The following PLPP4 variants were observed in gnomAD, a reference collection of about 807,000 sequenced individuals.
PLPP4 encodes phospholipid phosphatase 4, also known as diacylglycerol pyrophosphate like 2.
Under a neutral mutation model 32.2 loss-of-function variants are expected in PLPP4, and 20 were observed. The ratio of observed to expected loss-of-function variants is 0.62; its 90% CI spans 0.44 to 0.90. The LOEUF (loss-of-function observed/expected upper bound fraction) is 0.90. Ranked by LOEUF, PLPP4 falls within the 40% of genes least tolerant of loss-of-function variation. The pLI, the probability that PLPP4 is intolerant of heterozygous loss-of-function variation, is 0.00. For missense variants in PLPP4, 257 were observed against 353.1 expected (o/e 0.73, Z 2.18); for synonymous variants, 127 against 133.0 (o/e 0.95, Z 0.31).
intron 2 of PLPP4, among the ~76,000 whole-genome samples, chr10:120,513,117 G>A (rs760950656): frequency 3.3e-5 from 5 of 152,142 alleles, no homozygotes; most frequent in South Asian, 2.1e-4. Context: ...TACTAATTAC[G>A]GAAGCTGGAA....
intron 6 of PLPP4, among the ~76,000 whole-genome samples, chr10:120,575,670 T>C (rs1276734280): frequency 6.6e-6 from 1 of 152,046 alleles, no homozygotes; most frequent in Non-Finnish European, 1.5e-5. Flanking sequence ...TTCCTTTGCT[T>C]ATCAAATCCA....
chr10:120,568,503 T>C (rs1848786900), intron 5 of PLPP4, among the ~76,000 whole-genome samples: 1 of 152,200 alleles, frequency 6.6e-6, no homozygotes, highest in African/African-American at 2.4e-5. Flanking sequence ...ACTGGGCAAA[T>C]CAATGACTAC....
At chr10:120,480,042 T>C (rs1844124471) in intron 1 of PLPP4, among the ~76,000 whole-genome samples, 1 of 152,266 alleles carries the variant, frequency 6.6e-6, no homozygotes, top group Admixed American at 6.5e-5. Flanking sequence ...TAAAATTGTA[T>C]GTAAAGTAAG....
At chr10:120,529,199 T>C (rs1032705457) in intron 5 of PLPP4, among the ~76,000 whole-genome samples, 3 of 152,154 alleles carry the variant, frequency 2.0e-5, no homozygotes, top group South Asian at 2.1e-4. Context: ...TGTGTGTGTG[T>C]GTGCGTGCAT....
At chr10:120,512,516 TC>T (rs1845769792) in intron 2 of PLPP4, among the ~76,000 whole-genome samples, 1 of 151,898 alleles carries the variant, frequency 6.6e-6, no homozygotes, top group African/African-American at 2.4e-5. Flanking sequence ...CAAAGAGGAG[TC>T]CCCGAGATAA....
chr10:120,518,859 G>T lies in PLPP4; in HGVS notation c.283G>T (p.Gly95Ter), dbSNP rs1846039706. The T allele has an allele frequency of 6.2e-7, 1 of 1,612,916 alleles. No homozygotes were observed. Among genetic ancestry groups the T allele is most frequent in the East Asian group, 2.2e-5 (1 of 44,846 alleles). ...LAVSLALALN[G>*]VCTNTIKLIV... is the part of the protein sequence containing the mutation. ...GGTGTCCTTGGCTCTTGCTTTGAAT[G>T]GAGTCTGCACAAACACTATTAAATT... The change falls in exon 4 of 7, where the codon GGA becomes TGA. Residue 95 changes from glycine to a stop codon, truncating the protein, a stop_gained. Coordinates refer to ENST00000398250, the MANE Select transcript of PLPP4 (RefSeq NM_001030059.3). LOFTEE classifies it high-confidence loss of function.
In PLPP4 at chr10:120,457,248, A is replaced by G. The variant is rs1390609184; in HGVS notation, c.-58A>G. On this transcript the variant is annotated 5_prime_UTR_variant, in exon 1 of 7. Transcript: ENST00000398250. Reference sequence around the variant, plus strand: ...GGGTCTGGCGAGCCGGCGCCGGCCGAGCTGCGGGAGCCGCGGAGAGCACCA... The same window carrying G: ...GGGTCTGGCGAGCCGGCGCCGGCCGGGCTGCGGGAGCCGCGGAGAGCACCA... 6.5e-6 allele frequency: 9 copies of G among 1,378,466 alleles called. No homozygotes were observed. In the Middle Eastern group the frequency reaches 6.2e-4, roughly 94 times the overall value. The allele number at this position is 1,378,466 out of a possible 1,614,324, so 85.4% of individuals were successfully genotyped here. A position where few individuals can be genotyped will look rare whatever the true frequency, so the allele number is the denominator to read the frequency against.
chr10:120,487,168 G>C (rs1844496688), intron 1 of PLPP4, among the ~76,000 whole-genome samples: 1 of 152,248 alleles, frequency 6.6e-6, no homozygotes, highest in Admixed American at 6.5e-5. Flanking sequence ...AATCACAACT[G>C]CAGGTTCCAG....
At chr10:120,521,231 T>G (rs1200075814) in intron 5 of PLPP4, 136 bp downstream of exon 5, 6 of 1,097,456 alleles carry the variant, frequency 5.5e-6, no homozygotes, top group Non-Finnish European at 7.7e-6. Flanking sequence ...TTACGGCGTT[T>G]GACTTAGAAA....
At chr10:120,588,913 G>T (rs945985460) in intron 6 of PLPP4, among the ~76,000 whole-genome samples, 17 of 152,192 alleles carry the variant, frequency 1.1e-4, no homozygotes, top group African/African-American at 4.1e-4. Context: ...GAGAGTGGTG[G>T]CATGTGCCTG....
rs193060805 is a variant in PLPP4 at position 120,499,291 on chromosome 10, A to T, written c.57-4527A>T. 2.0e-5 allele frequency among the ~76,000 whole-genome samples: 3 copies of T among 151,232 alleles called. No homozygotes were observed. In the East Asian group the frequency reaches 5.9e-4, roughly 30 times the overall value. ...TGTGCCTTTTCATTTTGTTTTCTAT[A>T]TTTTTTTCTCCCCCATGACACAAGT... On this transcript the variant is annotated intron_variant, in intron 1 of 6. Transcript: ENST00000398250.
intron 5 of PLPP4, among the ~76,000 whole-genome samples, chr10:120,544,057 A>C (rs1419605038): frequency 6.6e-6 from 1 of 152,176 alleles, no homozygotes; most frequent in African/African-American, 2.4e-5. Context: ...GCTATTGCGA[A>C]TAATGCTGCT....
At chr10:120,488,986 T>C (rs1844585351) in intron 1 of PLPP4, among the ~76,000 whole-genome samples, 1 of 152,194 alleles carries the variant, frequency 6.6e-6, no homozygotes, top group African/African-American at 2.4e-5. Context: ...AAGAAGTGTC[T>C]AGCAGCTTCT....
chr10:120,580,856 T>A, intron 6 of PLPP4: 1 of 1,285,782 alleles, frequency 7.8e-7, no homozygotes, highest in Non-Finnish European at 1.0e-6. Flanking sequence ...TCTAATATCC[T>A]CAGCCCAAGT....
chr10:120,570,083 A>T (rs1483426480), intron 5 of PLPP4, among the ~76,000 whole-genome samples: 1 of 152,140 alleles, frequency 6.6e-6, no homozygotes, highest in Non-Finnish European at 1.5e-5. Flanking sequence ...TGTTCTGGGG[A>T]TGAAATGAGG....
chr10:120,503,154 A>C (rs1315062032), intron 1 of PLPP4, among the ~76,000 whole-genome samples: 2 of 152,120 alleles, frequency 1.3e-5, no homozygotes, highest in Admixed American at 6.5e-5. Context: ...CCTCTGCCAA[A>C]CCTCTCCTTG....
At chr10:120,579,181 C>G (rs555222737) in intron 6 of PLPP4, among the ~76,000 whole-genome samples, 26 of 152,230 alleles carry the variant, frequency 1.7e-4, no homozygotes, top group Non-Finnish European at 3.5e-4. Flanking sequence ...CCTCTTGTGA[C>G]TTTAGGTTTG....
chr10:120,538,545 G>A (rs1417839556), intron 5 of PLPP4, among the ~76,000 whole-genome samples: 2 of 152,094 alleles, frequency 1.3e-5, no homozygotes. Flanking sequence ...GATCACGTCA[G>A]GTCACTCCTC....
intron 1 of PLPP4, among the ~76,000 whole-genome samples, chr10:120,476,525 A>G (rs748383497): frequency 6.6e-6 from 1 of 152,144 alleles, no homozygotes; most frequent in Non-Finnish European, 1.5e-5. Context: ...CTGACTTTCA[A>G]CTTCCTTGTT....
Sources: allele counts gnomAD v4.1 joint callset (sites outside exome capture counted in the v4.1 genomes callset), GRCh38; gene constraint gnomAD v4.1.1; transcripts MANE v1.5; gene names NCBI Gene and HGNC (gene_info 2026-07-23, HGNC 2026-07-21).